The following GPR174 variants were observed in gnomAD, a reference collection of about 807,000 sequenced individuals.
GPR174 encodes the protein probable G protein-coupled receptor 174.
GPR174 carries 8 observed loss-of-function variants against 16.5 expected under a neutral mutation model. The ratio of observed to expected loss-of-function variants is 0.48; its 90% CI spans 0.28 to 0.87. The LOEUF is 0.87. GPR174 is among the 40% of genes least tolerant of loss of function. The pLI is 0.09. For synonymous variants in GPR174, 111 were observed against 94.8 expected (o/e 1.17, Z -0.99); for missense variants, 214 against 247.5 (o/e 0.86, Z 0.91).
chrX:79,164,387 C>G (rs1921305607), intron 2 of GPR174, among the ~76,000 whole-genome samples: 1 of 111,609 alleles, frequency 9.0e-6, no homozygotes, highest in Admixed American at 9.5e-5. Flanking sequence ...GTGGCTTGTG[C>G]CAGACACAGA....
chrX:79,161,328 T>C (rs1309400112), intron 2 of GPR174, among the ~76,000 whole-genome samples: 1 of 112,133 alleles, frequency 8.9e-6, no homozygotes, highest in East Asian at 2.8e-4. Context: ...AAAAAATACA[T>C]TGAACTTGAT....
rs1569277604 is a variant in GPR174 at position 79,145,010 on chromosome X, CTTTCTTTCTT to C, written c.-859_-850del. On this transcript the variant is annotated 5_prime_UTR_variant, in exon 1 of 3. Transcript: ENST00000645147. ...TCTTTCTTTCTCTCTCTCTCTCTTT[CTTTCTTTCTT>C]TCTTTCTTTCTTTCTTTCTTTCTTT... 11 of 15,700 alleles carry C rather than the reference CTTTCTTTCTT, an allele frequency of 7.0e-4. No homozygotes were observed. In the South Asian group the frequency reaches 0.02, roughly 28 times the overall value. 1.3% of individuals were successfully genotyped at this position (15,700 alleles called of 1,213,427 possible). A position where few individuals can be genotyped will look rare whatever the true frequency, so the allele number is the denominator to read the frequency against.
chrX:79,167,037 C>A (rs151259793), intron 2 of GPR174, among the ~76,000 whole-genome samples: 1 of 111,381 alleles, frequency 9.0e-6, no homozygotes, highest in Non-Finnish European at 1.9e-5. Context: ...AAGATAGTGG[C>A]CTTGGAGGAC....
At position 79,173,181 on chromosome X, in the gene GPR174, T is replaced by A. The variant is rs1921559852; in HGVS notation, c.*1172T>A. 9.0e-6 allele frequency: 1 copy of A among 111,607 alleles called. No homozygotes were observed. Among genetic ancestry groups the A allele is most frequent in the South Asian group, 3.8e-4 (1 of 2,661 alleles). 9.2% of individuals were successfully genotyped at this position (111,607 alleles called of 1,213,427 possible). ...ATGGACCCTAGAATCCACATTGATT[T>A]TTTTTGGTCTAGCTTTGCCCCAGAC... On this transcript the variant is annotated 3_prime_UTR_variant, in exon 3 of 3. Coordinates refer to ENST00000645147, the MANE Select transcript of GPR174 (RefSeq NM_032553.3).
At chrX:79,159,691 A>G (rs970457550) in intron 2 of GPR174, among the ~76,000 whole-genome samples, 1 of 111,885 alleles carries the variant, frequency 8.9e-6, no homozygotes, top group African/African-American at 3.2e-5. Flanking sequence ...TTTGCCTACT[A>G]TAAATCATGC....
At chrX:79,168,282 T>A (rs1316959154) in intron 2 of GPR174, among the ~76,000 whole-genome samples, 1 of 111,690 alleles carries the variant, frequency 9.0e-6, no homozygotes, top group Non-Finnish European at 1.9e-5. Context: ...AGTGTGCACC[T>A]AACCAGAACT....
intron 2 of GPR174, among the ~76,000 whole-genome samples, chrX:79,159,997 A>G (rs1010803654): frequency 8.9e-6 from 1 of 111,900 alleles, no homozygotes; most frequent in Non-Finnish European, 1.9e-5. Context: ...AGTAAAGAGC[A>G]CAACTTATAT....
rs1337145655 is a variant in GPR174 at position 79,175,298 on chromosome X, G to A, written c.*3289G>A. ...AATATTCATTTTAATAATAAAGATT[G>A]TCTTTGTAATTACATAGAAATTTTC... is the stretch of plus-strand genomic sequence containing the variant. On this transcript the variant is annotated 3_prime_UTR_variant, in exon 3 of 3. Coordinates refer to ENST00000645147, the MANE Select transcript of GPR174 (RefSeq NM_032553.3). The A allele has an allele frequency of 2.7e-5, 3 of 112,056 alleles. No individual in the cohort carries two copies. The highest frequency in any genetic ancestry group is 2.8e-4 in the East Asian group (1 of 3,588). The allele number at this position is 112,056 out of a possible 1,213,427, so 9.2% of individuals were successfully genotyped here. A position where few individuals can be genotyped will look rare whatever the true frequency, so the allele number is the denominator to read the frequency against.
In GPR174 at chrX:79,171,053, G is replaced by C; in HGVS notation, c.46G>C (p.Asp16His). The C allele has an allele frequency of 1.7e-6, 2 of 1,207,627 alleles. No individual in the cohort carries two copies. The highest frequency in any genetic ancestry group is 5.9e-5 in the East Asian group (2 of 33,755). Residue 16 changes from aspartate (D) to histidine (H), a missense_variant, in exon 3 of 3, where the codon GAT becomes CAT. By Grantham distance (81) the Asp-to-His change is moderately conservative (BLOSUM62 -1). Coordinates refer to ENST00000645147, the MANE Select transcript of GPR174 (RefSeq NM_032553.3). ...TCTRPDGDNT[D>H]FRYFIYAVTY... ...TACCAGGCCAGATGGAGACAATACA[G>C]ATTTTCGATACTTTATTTATGCAGT...
intron 2 of GPR174, among the ~76,000 whole-genome samples, chrX:79,160,243 C>G (rs1303644533): frequency 9.0e-6 from 1 of 110,613 alleles, no homozygotes; most frequent in Non-Finnish European, 1.9e-5. Context: ...CTATGAATGG[C>G]TTTTGATTGT....
Position 79,174,078 on chromosome X carries a change from C to T in GPR174, c.*2069C>T, listed in dbSNP as rs971469493. The T allele has an allele frequency of 9.0e-6, 1 of 110,789 alleles. No homozygotes were observed. Among genetic ancestry groups the T allele is most frequent in the East Asian group, 2.8e-4 (1 of 3,516 alleles). 9.1% of individuals were successfully genotyped at this position (110,789 alleles called of 1,213,427 possible). ...TGATTTAATTAACATATTGATTTCA[C>T]TTTGACTATATTTTTCTTAAAGAGG... On this transcript the variant is annotated 3_prime_UTR_variant, in exon 3 of 3. Coordinates refer to ENST00000645147, the MANE Select transcript of GPR174 (RefSeq NM_032553.3).
At chrX:79,156,327 A>T (rs763876677) in intron 1 of GPR174, among the ~76,000 whole-genome samples, 1 of 112,417 alleles carries the variant, frequency 8.9e-6, no homozygotes, top group South Asian at 3.7e-4. Flanking sequence ...TGTAGAAATT[A>T]ATTTGTCTCC....
chrX:79,145,001 TCTCTCTTTCTTTCTTTC>T lies in GPR174; in HGVS notation c.-869_-853del, dbSNP rs1926464020. 3.1e-5 allele frequency: 1 copy of T among 32,310 alleles called. No homozygotes were observed. The highest frequency in any genetic ancestry group is 1.9e-3 in the South Asian group (1 of 520). 2.7% of individuals were successfully genotyped at this position (32,310 alleles called of 1,213,427 possible). A position where few individuals can be genotyped will look rare whatever the true frequency, so the allele number is the denominator to read the frequency against. On this transcript the variant is annotated 5_prime_UTR_variant, in exon 1 of 3. Coordinates refer to ENST00000645147, the MANE Select transcript of GPR174 (RefSeq NM_032553.3). The stretch of plus-strand genomic sequence containing the variant: ...CTTTTTCTTTCTTTCTTTCTCTCTC[TCTCTCTTTCTTTCTTTC>T]TTTCTTTCTTTCTTTCTTTCTTTCT...
chrX:79,171,412 G>T lies in GPR174; in HGVS notation c.405G>T (p.Leu135=), dbSNP rs1163523178. The stretch of plus-strand genomic sequence containing the variant: ...ATGACTGCAAACAGAAATATGACCT[G>T]TACATCAGCATTGCTGGCTGGCTGA... The part of the protein sequence containing the change: ...RFHDCKQKYD[L]YISIAGWLII... Residue 135 remains leucine, a synonymous_variant, in exon 3 of 3, where the codon CTG becomes CTT. Transcript: ENST00000645147. 8.3e-7 allele frequency: 1 copy of T among 1,209,859 alleles called. No individual in the cohort carries two copies. The highest frequency in any genetic ancestry group is 1.1e-6 in the Non-Finnish European group (1 of 895,220).
At chrX:79,145,829 GA>G (rs1461981517) in intron 1 of GPR174, among the ~76,000 whole-genome samples, 7 of 111,291 alleles carry the variant, frequency 6.3e-5, no homozygotes. Context: ...ACACGTTTAA[GA>G]AAACTTGTTT....
intron 2 of GPR174, among the ~76,000 whole-genome samples, chrX:79,164,969 G>C (rs1264366602): frequency 9.0e-6 from 1 of 111,489 alleles, no homozygotes; most frequent in African/African-American, 3.3e-5. Context: ...AATTAATTGT[G>C]TAGTTATTGA....
intron 2 of GPR174, among the ~76,000 whole-genome samples, chrX:79,164,255 C>A (rs1039060523): frequency 9.0e-6 from 1 of 110,869 alleles, no homozygotes; most frequent in African/African-American, 3.3e-5. Context: ...AAGGCACCAC[C>A]TACTACTCTA....
At chrX:79,162,872 A>C (rs1336604396) in intron 2 of GPR174, among the ~76,000 whole-genome samples, 4 of 111,911 alleles carry the variant, frequency 3.6e-5, no homozygotes, top group African/African-American at 1.3e-4. Flanking sequence ...TAAATGATTC[A>C]AGGAAGATTT....
In GPR174 at chrX:79,171,550, G is replaced by A. The variant is rs148232678; in HGVS notation, c.543G>A (p.Gln181=). 1.1e-4 allele frequency: 131 copies of A among 1,209,050 alleles called. No homozygotes were observed. The highest frequency in any genetic ancestry group is 1.3e-4 in the Non-Finnish European group (118 of 895,026). Residue 181 remains glutamine, a synonymous_variant, in exon 3 of 3, where the codon CAG becomes CAA. Transcript: ENST00000645147. ...DLPTRNVNLA[Q]SVVMMTIGEL... ...CTACCAGGAATGTCAACCTGGCCCA[G>A]TCCGTTGTTATGATGACCATTGGCG... is the stretch of plus-strand genomic sequence containing the variant.
Sources: gnomAD v4.1 joint callset for allele counts (sites outside exome capture counted in the v4.1 genomes callset) on GRCh38, gnomAD v4.1.1 for gene constraint, MANE v1.5 for transcripts, NCBI Gene and HGNC (gene_info 2026-07-23, HGNC 2026-07-21) for gene names.